MTHFS: variants seen among roughly 807,000 people sequenced by gnomAD.
The protein encoded by MTHFS is methenyltetrahydrofolate synthetase, also known as 5-formyltetrahydrofolate cyclo-ligase.
In MTHFS, 7 loss-of-function variants were observed where a neutral mutation model predicts 12.7. The ratio of observed to expected loss-of-function variants is 0.55; its 90% confidence interval spans 0.31 to 1.03. The LOEUF is 1.03. MTHFS is among the 50% of genes least tolerant of loss of function. The probability of loss-of-function intolerance (pLI) is 0.05; values close to 1 mark genes in which losing one functional copy is unlikely to be tolerated. For missense variants in MTHFS, 252 were observed against 258.1 expected (o/e 0.98, Z 0.16); for synonymous variants, 100 against 97.1 (o/e 1.03, Z -0.18).
chr15:79,850,583 G>A (rs963344720), intron 2 of MTHFS, among the ~76,000 whole-genome samples: 5 of 152,166 alleles, frequency 3.3e-5, no homozygotes, highest in Admixed American at 2.6e-4. Context: ...GCTGCAATGT[G>A]ATAACCCCCA....
At chr15:79,854,106 G>T (rs762306526) in intron 2 of MTHFS, among the ~76,000 whole-genome samples, 5 of 152,216 alleles carry the variant, frequency 3.3e-5, no homozygotes, top group Non-Finnish European at 7.3e-5. Flanking sequence ...AAGCAGACAG[G>T]GAGAGCGCTG....
chr15:79,887,354 T>C (rs575397112), intron 2 of MTHFS, among the ~76,000 whole-genome samples: 1 of 152,368 alleles, frequency 6.6e-6, no homozygotes, highest in Admixed American at 6.5e-5. Flanking sequence ...TTCACCACTG[T>C]ACTTGAATAG....
intron 2 of MTHFS, among the ~76,000 whole-genome samples, chr15:79,846,055 G>A (rs1175759366): frequency 6.6e-6 from 1 of 152,170 alleles, no homozygotes; most frequent in South Asian, 2.1e-4. Context: ...TAGTTCTCTG[G>A]CTACAACCCT....
intron 2 of MTHFS, among the ~76,000 whole-genome samples, chr15:79,886,673 G>A (rs774512513): frequency 6.6e-6 from 1 of 151,778 alleles, no homozygotes; most frequent in Non-Finnish European, 1.5e-5. Flanking sequence ...ACTTATATTT[G>A]ACATATAATA....
Position 79,869,496 on chromosome 15 carries a change from G to A in MTHFS, c.379+19597C>T, listed in dbSNP as rs1240481988. Among the ~76,000 whole-genome samples, 3 of 152,128 alleles carry A rather than the reference G, an allele frequency of 2.0e-5. No individual in the cohort carries two copies. In the East Asian group the frequency reaches 5.8e-4, roughly 29 times the overall value. On this transcript the variant is annotated intron_variant, in intron 2 of 2. Transcript: ENST00000258874. ...CTTGCTCTGTTGCCCAGGTGGGAGTGCAAGCATAGCTCTCTGCAACCTAGA... is the reference window on the plus strand; with the variant it reads ...CTTGCTCTGTTGCCCAGGTGGGAGTACAAGCATAGCTCTCTGCAACCTAGA...
At chr15:79,851,188 ATC>A (rs2033711493) in intron 2 of MTHFS, among the ~76,000 whole-genome samples, 1 of 152,116 alleles carries the variant, frequency 6.6e-6, no homozygotes, top group Non-Finnish European at 1.5e-5. Context: ...AATATCACAA[ATC>A]TTAAACTTCC....
intron 2 of MTHFS, among the ~76,000 whole-genome samples, chr15:79,855,179 A>T (rs1735340472): frequency 6.6e-6 from 1 of 152,180 alleles, no homozygotes; most frequent in South Asian, 2.1e-4. Context: ...TAAGGTTTTT[A>T]ACAAAAAAAA....
intron 1 of MTHFS, 130 bp downstream of exon 1, chr15:79,896,742 T>G (rs2034580779): frequency 8.2e-5 from 87 of 1,055,632 alleles, no homozygotes; most frequent in Middle Eastern, 3.2e-4. Context: ...AGGGGAAACG[T>G]GCGCGCGCCG....
At chr15:79,851,634 G>A (rs1484621017) in intron 2 of MTHFS, among the ~76,000 whole-genome samples, 1 of 152,190 alleles carries the variant, frequency 6.6e-6, no homozygotes, top group African/African-American at 2.4e-5. Flanking sequence ...AGGGAGGCAG[G>A]AGGGTGGGAA....
At chr15:79,887,686 C>T (rs1014636529) in intron 2 of MTHFS, among the ~76,000 whole-genome samples, 4 of 152,194 alleles carry the variant, frequency 2.6e-5, no homozygotes, top group Non-Finnish European at 1.5e-5. Context: ...TAAACCTAGG[C>T]TGCTCTCCAA....
chr15:79,862,950 G>C lies in MTHFS; in HGVS notation c.380-17508C>G, dbSNP rs143115778. Among the ~76,000 whole-genome samples, 525 of 152,168 alleles carry C rather than the reference G, an allele frequency of 3.5e-3. 6 individuals are homozygous for C. The highest frequency in any genetic ancestry group is 0.012 in the African/African-American group (505 of 41,516). ...CCTGAATCAATATCTCCTATGTCCT[G>C]ACCTCCAGAGCTATATATCCAACTA... On this transcript the variant is annotated intron_variant, in intron 2 of 2. Transcript: ENST00000258874.
chr15:79,851,348 T>C (rs560625335), intron 2 of MTHFS, among the ~76,000 whole-genome samples: 4 of 152,240 alleles, frequency 2.6e-5, no homozygotes, highest in Non-Finnish European at 5.9e-5. Context: ...TTGAGCTCAG[T>C]TCTGTTTACC....
intron 2 of MTHFS, among the ~76,000 whole-genome samples, chr15:79,859,909 T>A (rs1483430326): frequency 2.0e-5 from 3 of 151,666 alleles, no homozygotes; most frequent in Non-Finnish European, 4.4e-5. Context: ...CTTTAATATT[T>A]AAAAACACAA....
chr15:79,869,086 T>A (rs1260272218), intron 2 of MTHFS, among the ~76,000 whole-genome samples: 1 of 152,206 alleles, frequency 6.6e-6, no homozygotes. Context: ...AAAGTAAGTA[T>A]GTATTTATGC....
chr15:79,889,474 A>G lies in MTHFS; in HGVS notation c.118-120T>C, dbSNP rs377024828. 5,180 of 1,226,844 alleles carry G rather than the reference A, an allele frequency of 4.2e-3. 260 individuals carry two copies. In the African/African-American group the frequency reaches 0.078, roughly 19 times the overall value. The allele number at this position is 1,226,844 out of a possible 1,614,324, so 76.0% of individuals were successfully genotyped here. A position where few individuals can be genotyped will look rare whatever the true frequency, so the allele number is the denominator to read the frequency against. On this transcript the variant is annotated intron_variant, in intron 1 of 2. Transcript: ENST00000258874. ...CTTTAAATATTAAAAAGAAAAAAAA[A>G]GGGGGGGGGACCAGAGTGATATAGT...
chr15:79,872,335 T>A (rs942412347), intron 2 of MTHFS, among the ~76,000 whole-genome samples: 1 of 152,228 alleles, frequency 6.6e-6, no homozygotes, highest in African/African-American at 2.4e-5. Context: ...TGGAGCCCTA[T>A]GACCTTCTGG....
At chr15:79,890,535 CT>C (rs902000768) in intron 1 of MTHFS, among the ~76,000 whole-genome samples, 17 of 152,006 alleles carry the variant, frequency 1.1e-4, no homozygotes, top group African/African-American at 4.1e-4. Flanking sequence ...GGCCAGCTCT[CT>C]TTTTTTCCCT....
At chr15:79,892,891 C>T (rs546390181) in intron 1 of MTHFS, among the ~76,000 whole-genome samples, 2 of 152,026 alleles carry the variant, frequency 1.3e-5, no homozygotes, top group East Asian at 1.9e-4. Context: ...GCGGAGGTTG[C>T]AGTGAGCCGA....
chr15:79,897,121 C>G (rs1038111920), upstream of MTHFS: 14 of 813,760 alleles, frequency 1.7e-5, no homozygotes, highest in African/African-American at 1.8e-4. Flanking sequence ...GCCCCCACCC[C>G]GCTTCCGGGA....
Sources: gnomAD v4.1 joint callset for allele counts (sites outside exome capture counted in the v4.1 genomes callset) on GRCh38, gnomAD v4.1.1 for gene constraint, MANE v1.5 for transcripts, NCBI Gene and HGNC (gene_info 2026-07-23, HGNC 2026-07-21) for gene names.